SORCS2: variants seen among roughly 807,000 people sequenced by gnomAD.
SORCS2 encodes the protein VPS10 domain-containing receptor SorCS2.
In SORCS2, 100 loss-of-function variants were observed where a neutral mutation model predicts 141.6. That is an observed-to-expected ratio of 0.71 (90% CI 0.60 to 0.83). The LOEUF is 0.83. Among genes scored for constraint, SORCS2 ranks in the 40% least tolerant of loss-of-function variants. The probability of loss-of-function intolerance (pLI) is 0.00; values close to 1 mark genes in which losing one functional copy is unlikely to be tolerated. For synonymous variants in SORCS2, 789 were observed against 676.9 expected (o/e 1.17, Z -2.57); for missense variants, 1,646 against 1,560.2 (o/e 1.05, Z -0.93).
intron 3 of SORCS2, among the ~76,000 whole-genome samples, chr4:7,616,946 A>G (rs1199162915): frequency 6.6e-6 from 1 of 152,208 alleles, no homozygotes; most frequent in African/African-American, 2.4e-5. Context: ...AAGGCCCCTG[A>G]GCCCTCTCTT....
chr4:7,737,317 C>T (rs1324968549), intron 26 of SORCS2, 145 bp downstream of exon 26: 10 of 1,170,164 alleles, frequency 8.5e-6, no homozygotes, highest in African/African-American at 3.1e-5. Context: ...GCGGGTCGGT[C>T]GGGCCCACTG....
intron 1 of SORCS2, among the ~76,000 whole-genome samples, chr4:7,300,221 G>C (rs944285359): frequency 4.6e-5 from 7 of 152,156 alleles, no homozygotes; most frequent in Non-Finnish European, 8.8e-5. Flanking sequence ...GAGCTTCCTG[G>C]AGGAGGTGGC....
At chr4:7,297,041 T>A (rs1185326290) in intron 1 of SORCS2, among the ~76,000 whole-genome samples, 1 of 152,192 alleles carries the variant, frequency 6.6e-6, no homozygotes, top group African/African-American at 2.4e-5. Context: ...CCATGCCCCC[T>A]GTCTTCTGTC....
At chr4:7,655,557 C>T (rs1047070407) in intron 5 of SORCS2, among the ~76,000 whole-genome samples, 2 of 152,254 alleles carry the variant, frequency 1.3e-5, no homozygotes, top group African/African-American at 2.4e-5. Flanking sequence ...CTGAAGGAAG[C>T]CTTTTTCCTC....
chr4:7,454,970 T>C (rs1278832396), intron 2 of SORCS2, among the ~76,000 whole-genome samples: 29 of 142,096 alleles, frequency 2.0e-4, no homozygotes, highest in African/African-American at 7.7e-4. Flanking sequence ...TCAGGTGCTG[T>C]ATTGGGGTCA....
chr4:7,700,563 C>T (rs1241422747), intron 12 of SORCS2, among the ~76,000 whole-genome samples: 2 of 152,210 alleles, frequency 1.3e-5, no homozygotes, highest in Admixed American at 6.5e-5. Flanking sequence ...CTGTGACACC[C>T]TAAAGCCTAC....
intron 3 of SORCS2, among the ~76,000 whole-genome samples, chr4:7,581,313 T>C (rs759168390): frequency 1.3e-5 from 2 of 152,144 alleles, no homozygotes; most frequent in Admixed American, 6.5e-5. Flanking sequence ...TCATTTTTAC[T>C]TTTTACATTG....
chr4:7,453,550 C>T (rs1323592117), intron 2 of SORCS2, among the ~76,000 whole-genome samples: 3 of 133,570 alleles, frequency 2.2e-5, no homozygotes, highest in Non-Finnish European at 4.8e-5. Flanking sequence ...GGGTCAGGTG[C>T]TGTGTGTTGG....
At chr4:7,400,879 G>A (rs7666482) in intron 2 of SORCS2, among the ~76,000 whole-genome samples, 93,706 of 150,274 alleles carry the variant, frequency 0.62, 29,188 homozygotes, top group Middle Eastern at 0.69. Context: ...GGAAGAATAG[G>A]TGGATAGATT....
chr4:7,436,300 T>C (rs944664528), intron 2 of SORCS2, among the ~76,000 whole-genome samples: 1 of 152,180 alleles, frequency 6.6e-6, no homozygotes, highest in African/African-American at 2.4e-5. Context: ...TTGATACATT[T>C]CTATGGGCTT....
intron 2 of SORCS2, among the ~76,000 whole-genome samples, chr4:7,409,591 C>A (rs1031228234): frequency 5.3e-5 from 8 of 152,148 alleles, no homozygotes; most frequent in Non-Finnish European, 1.0e-4. Flanking sequence ...GCCAGAGAAC[C>A]CAAGATGATG....
chr4:7,359,542 C>G (rs1341443802), intron 1 of SORCS2, among the ~76,000 whole-genome samples: 3 of 152,218 alleles, frequency 2.0e-5, no homozygotes, highest in African/African-American at 7.2e-5. Context: ...CTAAAAATCC[C>G]TGGGCCGACG....
chr4:7,617,696 T>C (rs1718861657), intron 3 of SORCS2, among the ~76,000 whole-genome samples: 1 of 151,822 alleles, frequency 6.6e-6, no homozygotes, highest in Non-Finnish European at 1.5e-5. Flanking sequence ...GGAAGAAGGG[T>C]CAGATATTCC....
intron 23 of SORCS2, among the ~76,000 whole-genome samples, chr4:7,732,251 C>A (rs1711747865): frequency 6.6e-6 from 1 of 152,208 alleles, no homozygotes; most frequent in Non-Finnish European, 1.5e-5. Context: ...TGAGACATGG[C>A]CTCACACCTG....
At chr4:7,644,245 CAT>C (rs887456941) in intron 4 of SORCS2, among the ~76,000 whole-genome samples, 1 of 152,200 alleles carries the variant, frequency 6.6e-6, no homozygotes, top group African/African-American at 2.4e-5. Context: ...AGCTCAAAAA[CAT>C]GTGGCTGGTG....
At chr4:7,195,723 C>G (rs1321249652) in intron 1 of SORCS2, among the ~76,000 whole-genome samples, 1 of 152,220 alleles carries the variant, frequency 6.6e-6, no homozygotes, top group African/African-American at 2.4e-5. Context: ...TCTGCTCCCT[C>G]TAGTCTCATC....
At chr4:7,393,663 G>A (rs962031564) in intron 1 of SORCS2, among the ~76,000 whole-genome samples, 2 of 152,136 alleles carry the variant, frequency 1.3e-5, no homozygotes, top group Non-Finnish European at 2.9e-5. Flanking sequence ...CACCTCTTCG[G>A]TATCCCTGGG....
At chr4:7,636,324 G>A (rs112274067) in intron 3 of SORCS2, among the ~76,000 whole-genome samples, 38 of 152,344 alleles carry the variant, frequency 2.5e-4, no homozygotes, top group African/African-American at 7.7e-4. Flanking sequence ...TCTCTGCGGC[G>A]CCCGGTGCCT....
At position 7,601,167 on chromosome 4, in the gene SORCS2, G is replaced by A. The variant is rs140426248; in HGVS notation, c.649-37161G>A. Among the ~76,000 whole-genome samples, 63 of 152,284 alleles carry A rather than the reference G, an allele frequency of 4.1e-4. 2 individuals are homozygous for A. In the East Asian group the frequency reaches 0.012, roughly 28 times the overall value. ...AATAGACTGCTTAATGAAGTTTGGA[G>A]TGAATAAGTATCTTTATCTTCCTCT... On this transcript the variant is annotated intron_variant, in intron 3 of 26. Coordinates refer to ENST00000507866, the MANE Select transcript of SORCS2 (RefSeq NM_020777.3).
Sources: gnomAD v4.1 joint callset for allele counts (sites outside exome capture counted in the v4.1 genomes callset) on GRCh38, gnomAD v4.1.1 for gene constraint, MANE v1.5 for transcripts, NCBI Gene and HGNC (gene_info 2026-07-23, HGNC 2026-07-21) for gene names.